Variants in INHA observed in about 807,000 individuals in gnomAD.
The protein encoded by INHA is inhibin alpha chain.
A neutral mutation model predicts 21.3 loss-of-function variants in INHA; 8 were observed. The observed-to-expected ratio is 0.38, with a 90% CI of 0.22 to 0.68. The LOEUF (loss-of-function observed/expected upper bound fraction) is 0.68. Among genes scored for constraint, INHA ranks in the 30% least tolerant of loss-of-function variants. INHA has a pLI of 0.53. For missense variants in INHA, 436 were observed against 465.8 expected (o/e 0.94, Z 0.59); for synonymous variants, 231 against 207.5 (o/e 1.11, Z -0.97).
chr2:219,572,759 A>G (rs1697441787), intron 1 of INHA, 117 bp downstream of exon 1: 1 of 1,158,686 alleles, frequency 8.6e-7, no homozygotes. Context: ...GTTGCTTTGC[A>G]GCAATAGGCC....
chr2:219,572,959 C>A (rs1697449997), intron 1 of INHA, among the ~76,000 whole-genome samples: 1 of 152,238 alleles, frequency 6.6e-6, no homozygotes, highest in African/African-American at 2.4e-5. Context: ...TGCCACCTTT[C>A]CTCCTATCTC....
In INHA at chr2:219,574,981, C is replaced by T. The variant is rs974188140; in HGVS notation, c.556C>T (p.Leu186Phe). 1.2e-6 allele frequency: 2 copies of T among 1,613,674 alleles called. No individual in the cohort carries two copies. Among genetic ancestry groups the T allele is most frequent in the Non-Finnish European group, 1.7e-6 (2 of 1,180,020 alleles). ...WAVLHLATSALSLLTHPVLVL... is the reference protein window; with the variant it reads ...WAVLHLATSAFSLLTHPVLVL... Reference sequence around the variant, plus strand: ...CGTGCTGCACCTGGCCACCTCTGCTCTCTCTCTGCTGACCCACCCCGTCCT... The same window carrying T: ...CGTGCTGCACCTGGCCACCTCTGCTTTCTCTCTGCTGACCCACCCCGTCCT... Residue 186 changes from leucine (L) to phenylalanine (F), a missense_variant, in exon 2 of 2, where the codon CTC (leucine) becomes TTC (phenylalanine). Physicochemically the swap from Leu to Phe is conservative, Grantham distance 22 (BLOSUM62 0). Coordinates refer to ENST00000243786, the MANE Select transcript of INHA (RefSeq NM_002191.4).
In INHA at chr2:219,574,698, C is replaced by A. The variant is rs780498453; in HGVS notation, c.273C>A (p.Ala91=). 2 of 1,611,120 alleles carry A rather than the reference C, an allele frequency of 1.2e-6. No individual in the cohort carries two copies. The highest frequency in any genetic ancestry group is 1.7e-6 in the Non-Finnish European group (2 of 1,178,950). The stretch of plus-strand genomic sequence containing the variant: ...CTTTTCTTCTGTCTCCTGCAGATGC[C>A]AGCTGTGAGGACAAGTCAGCTGCCA... ...SQAILFPATD[A]SCEDKSAARG... The change falls in exon 2 of 2, where the codon GCC becomes GCA. Residue 91 remains alanine (A), a synonymous_variant. Coordinates refer to ENST00000243786, the MANE Select transcript of INHA (RefSeq NM_002191.4).
chr2:219,572,626 C>T lies in INHA; in HGVS notation c.252C>T (p.Ile84=), dbSNP rs1193951398. ...AAGAGGAGGATGTCTCCCAAGCCAT[C>T]CTTTTCCCAGCCACAGGTAACGAGG... ...PEEEEDVSQA[I]LFPATDASCE... is the part of the protein sequence containing the mutation. Residue 84 remains isoleucine (I), a synonymous_variant, in exon 1 of 2, where the codon ATC becomes ATT. Transcript: ENST00000243786. 2.6e-6 allele frequency: 4 copies of T among 1,551,738 alleles called. No homozygotes were observed. The highest frequency in any genetic ancestry group is 2.6e-6 in the Non-Finnish European group (3 of 1,147,082).
In INHA at chr2:219,575,354, C is replaced by T. The variant is rs770572812; in HGVS notation, c.929C>T (p.Ala310Val). The stretch of plus-strand genomic sequence containing the variant: ...AACCTGTCCCTTCCAGTCCCTGGGG[C>T]TCCCCCTACCCCAGCCCAGCCCTAC... ...PPNLSLPVPG[A>V]PPTPAQPYSL... is the part of the protein sequence containing the mutation. Residue 310 changes from alanine (A) to valine (V), a missense_variant, in exon 2 of 2, where the codon GCT (alanine) becomes GTT (valine). Coordinates refer to ENST00000243786, the MANE Select transcript of INHA (RefSeq NM_002191.4). 2 of 1,614,072 alleles carry T rather than the reference C, an allele frequency of 1.2e-6. No homozygotes were observed. The highest frequency in any genetic ancestry group is 1.7e-6 in the Non-Finnish European group (2 of 1,180,018).
In INHA at chr2:219,575,101, G is replaced by A; in HGVS notation, c.676G>A (p.Gly226Arg). The change falls in exon 2 of 2, where the codon GGA (glycine) becomes AGA (arginine). Residue 226 changes from glycine to arginine, a missense_variant. Gly to Arg is a moderately radical substitution (Grantham distance 125). Transcript: ENST00000243786. ...CCACACTCGGACCAGACCACCCAGT[G>A]GAGGGGAGAGAGCCCGACGCTCAAC... ...VAHTRTRPPS[G>R]GERARRSTPL... The A allele has an allele frequency of 1.2e-6, 2 of 1,614,098 alleles. No individual in the cohort carries two copies. Among genetic ancestry groups the A allele is most frequent in the Non-Finnish European group, 1.7e-6 (2 of 1,180,042 alleles).
rs34400751 is a variant in INHA, at chr2:219,572,569, G to T, written c.195G>T (p.Gly65=). ...VRRLPRRHAL[G]GFTHRGSEPE... is the part of the protein sequence containing the mutation. ...GGCTGCCCCGAAGACATGCCCTGGG[G>T]GGCTTCACACACAGGGGCTCTGAGC... The change falls in exon 1 of 2, where the codon GGG becomes GGT. Residue 65 remains glycine, a synonymous_variant. Transcript: ENST00000243786. 5.2e-3 allele frequency: 8,109 copies of T among 1,563,342 alleles called. 36 individuals carry two copies. The highest frequency in any genetic ancestry group is 6.4e-3 in the Admixed American group (335 of 52,058).
At chr2:219,573,390 G>T (rs1319301530) in intron 1 of INHA, among the ~76,000 whole-genome samples, 1 of 152,160 alleles carries the variant, frequency 6.6e-6, no homozygotes, top group Non-Finnish European at 1.5e-5. Flanking sequence ...TAACAGTATA[G>T]TTCCAATTGC....
Position 219,575,122 on chromosome 2 carries a change from T to C in INHA, c.697T>C (p.Ser233Pro). 1 of 1,614,136 alleles carries C rather than the reference T, an allele frequency of 6.2e-7. No homozygotes were observed. Among genetic ancestry groups the C allele is most frequent in the Non-Finnish European group, 8.5e-7 (1 of 1,180,034 alleles). ...PPSGGERARR[S>P]TPLMSWPWSP... The stretch of plus-strand genomic sequence containing the variant: ...CAGTGGAGGGGAGAGAGCCCGACGC[T>C]CAACTCCCCTGATGTCCTGGCCTTG... The change falls in exon 2 of 2, where the codon TCA (serine) becomes CCA (proline). Residue 233 changes from serine (S) to proline (P), a missense_variant. Transcript: ENST00000243786.
rs372178001 is a variant in INHA, at chr2:219,572,324, A to G, written c.-51A>G. 19 of 1,612,512 alleles carry G rather than the reference A, an allele frequency of 1.2e-5. No homozygotes were observed. In the African/African-American group the frequency reaches 2.3e-4, roughly 19 times the overall value. ...AAAGGCCCTGGGCAGACCCTGGCAGAAGGGGCACGGGGCAGGGTGTGAGTT... is the reference window on the plus strand; with the variant it reads ...AAAGGCCCTGGGCAGACCCTGGCAGGAGGGGCACGGGGCAGGGTGTGAGTT... On this transcript the variant is annotated 5_prime_UTR_variant, in exon 1 of 2. Transcript: ENST00000243786.
In INHA at chr2:219,572,407, G is replaced by C. The variant is rs372943602; in HGVS notation, c.33G>C (p.Leu11=). The part of the protein sequence containing the change: MVLHLLLFLL[L]TPQGGHSCQG... ...TGCACCTACTGCTCTTCTTGCTGCT[G>C]ACCCCACAGGGTGGGCACAGCTGCC... The change falls in exon 1 of 2, where the codon CTG becomes CTC. Residue 11 remains leucine, a synonymous_variant. Coordinates refer to ENST00000243786, the MANE Select transcript of INHA (RefSeq NM_002191.4). The C allele has an allele frequency of 4.3e-6, 7 of 1,613,926 alleles. No individual in the cohort carries two copies. The highest frequency in any genetic ancestry group is 5.9e-6 in the Non-Finnish European group (7 of 1,180,030).
At position 219,575,033 on chromosome 2, in the gene INHA, G is replaced by C. The variant is rs1697495234; in HGVS notation, c.608G>C (p.Cys203Ser). ...VLVLLLRCPLCTCSARPEATP... is the reference protein window; with the variant it reads ...VLVLLLRCPLSTCSARPEATP... Reference sequence around the variant, plus strand: ...GTGCTGCTGCTGCGCTGTCCCCTCTGTACCTGCTCAGCCCGGCCTGAGGCC... The same window carrying C: ...GTGCTGCTGCTGCGCTGTCCCCTCTCTACCTGCTCAGCCCGGCCTGAGGCC... The change falls in exon 2 of 2, where the codon TGT (cysteine) becomes TCT (serine). Residue 203 changes from cysteine (C) to serine (S), a missense_variant. By Grantham distance (112) the Cys-to-Ser change is moderately radical (BLOSUM62 -1). Coordinates refer to ENST00000243786, the MANE Select transcript of INHA (RefSeq NM_002191.4). 1.9e-6 allele frequency: 3 copies of C among 1,613,286 alleles called. No individual in the cohort carries two copies. The highest frequency in any genetic ancestry group is 2.5e-6 in the Non-Finnish European group (3 of 1,180,032).
intron 1 of INHA, among the ~76,000 whole-genome samples, chr2:219,573,852 C>T (rs1017351549): frequency 6.6e-6 from 1 of 151,404 alleles, no homozygotes; most frequent in African/African-American, 2.4e-5. Context: ...ACCAGCTACT[C>T]GGGAAGCTGA....
At chr2:219,574,652 C>A in intron 1 of INHA, 42 bp from the exon 2 acceptor site, 2 of 1,534,752 alleles carry the variant, frequency 1.3e-6, no homozygotes, top group Non-Finnish European at 1.8e-6. Context: ...CCAGGTCCTG[C>A]CAGTCAGGGC....
At chr2:219,574,374 T>A (rs1219665772) in intron 1 of INHA, among the ~76,000 whole-genome samples, 1 of 152,098 alleles carries the variant, frequency 6.6e-6, no homozygotes, top group African/African-American at 2.4e-5. Flanking sequence ...TGAAGTCTAA[T>A]ACAAAGTCTT....
At position 219,572,621 on chromosome 2, in the gene INHA, G is replaced by T; in HGVS notation, c.247G>T (p.Ala83Ser). The T allele has an allele frequency of 6.4e-7, 1 of 1,551,904 alleles. No individual in the cohort carries two copies. Among genetic ancestry groups the T allele is most frequent in the South Asian group, 1.2e-5 (1 of 84,148 alleles). Residue 83 changes from alanine to serine, a missense_variant, in exon 1 of 2, where the codon GCC becomes TCC. Coordinates refer to ENST00000243786, the MANE Select transcript of INHA (RefSeq NM_002191.4). ...CGAGGAAGAGGAGGATGTCTCCCAA[G>T]CCATCCTTTTCCCAGCCACAGGTAA... ...EPEEEEDVSQ[A>S]ILFPATDASC...
chr2:219,574,760 GATACAT>G lies in INHA; in HGVS notation c.336_341del (p.Tyr113_Met114del), dbSNP rs1485091173. On this transcript the variant is annotated inframe_deletion, in exon 2 of 2. Coordinates refer to ENST00000243786, the MANE Select transcript of INHA (RefSeq NM_002191.4). ...CAGGAGGCTGAGGAGGGCCTCTTCA[GATACAT>G]GTTCCGGCCATCCCAGCATACACGC... The G allele has an allele frequency of 6.2e-7, 1 of 1,614,126 alleles. No individual in the cohort carries two copies. The highest frequency in any genetic ancestry group is 1.1e-5 in the South Asian group (1 of 91,078).
chr2:219,572,491 T>C lies in INHA; in HGVS notation c.117T>C (p.Asp39=), dbSNP rs1288099649. 1.2e-6 allele frequency: 2 copies of C among 1,613,188 alleles called. No individual in the cohort carries two copies. Among genetic ancestry groups the C allele is most frequent in the Non-Finnish European group, 1.7e-6 (2 of 1,179,576 alleles). ...CCAAGGTGAGGGCCCTGTTCTTGGA[T>C]GCCTTGGGGCCCCCCGCGGTGACCA... The part of the protein sequence containing the change: ...VLAKVRALFL[D]ALGPPAVTRE... The change falls in exon 1 of 2, where the codon GAT becomes GAC. Residue 39 remains aspartate, a synonymous_variant. Transcript: ENST00000243786.
chr2:219,572,716 G>A (rs896109331), intron 1 of INHA, 74 bp downstream of exon 1: 11 of 1,515,244 alleles, frequency 7.3e-6, no homozygotes, highest in Non-Finnish European at 5.4e-6. Context: ...CAGGCCAGGC[G>A]GACCTGGGTT....
Sources: gnomAD v4.1 joint callset for allele counts (sites outside exome capture counted in the v4.1 genomes callset) on GRCh38, gnomAD v4.1.1 for gene constraint, MANE v1.5 for transcripts, NCBI Gene and HGNC (gene_info 2026-07-23, HGNC 2026-07-21) for gene names.